PLCH2: variants seen among roughly 807,000 people sequenced by gnomAD.
PLCH2 encodes phospholipase C eta 2, also known as 1-phosphatidylinositol 4,5-bisphosphate phosphodiesterase eta-2.
Under a neutral mutation model 134.7 loss-of-function variants are expected in PLCH2, and 98 were observed. That is an observed-to-expected ratio of 0.73 (90% CI 0.62 to 0.86). The LOEUF (loss-of-function observed/expected upper bound fraction) is 0.86, where lower values mean the gene tolerates loss of function less well. Ranked by LOEUF, PLCH2 falls within the 40% of genes least tolerant of loss-of-function variation. The pLI, the probability that PLCH2 is intolerant of heterozygous loss-of-function variation, is 0.00. For missense variants in PLCH2, 1,994 were observed against 1,986.6 expected, an observed-to-expected ratio of 1.00 and a Z score of -0.07; for synonymous variants, 974 against 827.5, an observed-to-expected ratio of 1.18 and a Z score of -3.04.
intron 2 of PLCH2, among the ~76,000 whole-genome samples, chr1:2,456,479 G>C (rs1368022099): frequency 6.6e-6 from 1 of 152,252 alleles, no homozygotes; most frequent in Non-Finnish European, 1.5e-5. Context: ...GCTGCAGGTG[G>C]TGACTCAGTT....
Position 2,498,678 on chromosome 1 carries a change from G to T in PLCH2, c.2349+31G>T. On this transcript the variant is annotated intron_variant, in intron 17 of 21. Coordinates refer to ENST00000378486, the MANE Select transcript of PLCH2 (RefSeq NM_014638.4). This position sits in a 1 kb window ranked among gnomAD's most constrained non-coding sequence, Gnocchi z 5.4. ...GGCCAGCCCCACACAGGCGGGAGGG[G>T]TGGGAGTTGGGGGCGGGCCGGGCAT... is the stretch of plus-strand genomic sequence containing the variant. The T allele has an allele frequency of 6.5e-7, 1 of 1,527,362 alleles. No homozygotes were observed. Among genetic ancestry groups the T allele is most frequent in the African/African-American group, 1.4e-5 (1 of 73,320 alleles). 94.6% of individuals were successfully genotyped at this position (1,527,362 alleles called of 1,614,324 possible).
Position 2,444,172 on chromosome 1 carries a change from C to T in PLCH2, c.115+13543C>T, listed in dbSNP as rs1025989416. ...ACGGGCGGAGCGGTCTTGAGCTCTCCGGATGGCCTCAGGTGCGGGGTGAGG... is the reference window on the plus strand; with the variant it reads ...ACGGGCGGAGCGGTCTTGAGCTCTCTGGATGGCCTCAGGTGCGGGGTGAGG... On this transcript the variant is annotated intron_variant, in intron 2 of 3. Transcript: ENST00000609981. The surrounding 1 kb of genome is among the most constrained non-coding windows in gnomAD (Gnocchi z 4.6). Among the ~76,000 whole-genome samples the T allele has an allele frequency of 1.3e-5, 2 of 152,156 alleles. No homozygotes were observed. The highest frequency in any genetic ancestry group is 3.9e-4 in the East Asian group (2 of 5,192).
intron 2 of PLCH2, among the ~76,000 whole-genome samples, chr1:2,447,310 C>G (rs1639987526): frequency 6.6e-6 from 1 of 152,204 alleles, no homozygotes; most frequent in Non-Finnish European, 1.5e-5. Flanking sequence ...CAGGACCACT[C>G]TGCCTTCAGC....
chr1:2,438,647 C>T lies in PLCH2; in HGVS notation c.115+8018C>T, dbSNP rs942589797. 6.6e-5 allele frequency among the ~76,000 whole-genome samples: 10 copies of T among 152,292 alleles called. No individual in the cohort carries two copies. The South Asian group carries it at 1.2e-3, about 19-fold the overall frequency. On this transcript the variant is annotated intron_variant, in intron 2 of 3. Transcript: ENST00000609981. ...CAAGAGAGAGCACCCCCGGCCACTGCGGCTAGGGCAGGTGAAGGTCCCTTC... is the reference window on the plus strand; with the variant it reads ...CAAGAGAGAGCACCCCCGGCCACTGTGGCTAGGGCAGGTGAAGGTCCCTTC...
At chr1:2,438,991 G>T (rs1639564820) in intron 2 of PLCH2, among the ~76,000 whole-genome samples, 1 of 152,236 alleles carries the variant, frequency 6.6e-6, no homozygotes, top group African/African-American at 2.4e-5. Flanking sequence ...TGGCCACATG[G>T]GTGGCTCCAG....
chr1:2,479,884 AG>A lies in PLCH2; in HGVS notation c.424del (p.Val142TrpfsTer33). ...CTGGACCTGGTCTCCACCAGCAGCG[AG>A]GTGGCGCGCACCTGGGTCACTGGCC... ...ESLDLVSTSS[E>X]VARTWVTGLR... On this transcript the variant is annotated frameshift_variant, in exon 3 of 22. Transcript: ENST00000378486. LOFTEE classifies it high-confidence loss of function. 1 of 1,611,802 alleles carries A rather than the reference AG, an allele frequency of 6.2e-7. No homozygotes were observed.
chr1:2,426,514 C>T (rs1238769727), intron 1 of PLCH2, among the ~76,000 whole-genome samples: 1 of 152,174 alleles, frequency 6.6e-6, no homozygotes, highest in Non-Finnish European at 1.5e-5. Flanking sequence ...GTCAGAGTGG[C>T]GGAGTCCCCG....
At chr1:2,467,602 G>A (rs1348406718) in exon 1 of PLCH2, 11 of 409,818 alleles carry the variant, frequency 2.7e-5, no homozygotes. Flanking sequence ...CGGTAACTGG[G>A]ATTGGCACCC....
At position 2,434,879 on chromosome 1, in the gene PLCH2, G is replaced by A. The variant is rs1035547253; in HGVS notation, c.115+4250G>A. On this transcript the variant is annotated intron_variant, in intron 2 of 3. Coordinates refer to the PLCH2 transcript ENST00000609981. ...CAGCTGTGGGTTGCGTATGTCCTCG[G>A]GCGCCCATGCTGTACCCAGGCTGCC... is the stretch of plus-strand genomic sequence containing the variant. Among the ~76,000 whole-genome samples, 3 of 152,162 alleles carry A rather than the reference G, an allele frequency of 2.0e-5. No individual in the cohort carries two copies. In the South Asian group the frequency reaches 6.2e-4, roughly 32 times the overall value.
At chr1:2,478,757 T>C in intron 2 of PLCH2, 135 bp downstream of exon 2, 1 of 893,494 alleles carries the variant, frequency 1.1e-6, no homozygotes. Flanking sequence ...CTCAGTGGCC[T>C]TGGGGATCTG....
At chr1:2,456,000 G>A (rs1405931504) in intron 2 of PLCH2, among the ~76,000 whole-genome samples, 4 of 152,264 alleles carry the variant, frequency 2.6e-5, no homozygotes, top group African/African-American at 9.6e-5. Context: ...GTAGGAGCTC[G>A]GCAAGTGGTG....
At chr1:2,416,320 G>C in the PLCH2 span, among the ~76,000 whole-genome samples, 2 of 152,214 alleles carry the variant, frequency 1.3e-5, no homozygotes, top group Non-Finnish European at 2.9e-5. Flanking sequence ...GGGTGTGGCA[G>C]TGTCCCCTCC....
chr1:2,486,364 G>A (rs972980409), intron 5 of PLCH2, among the ~76,000 whole-genome samples: 3 of 152,206 alleles, frequency 2.0e-5, no homozygotes, highest in African/African-American at 7.2e-5. Flanking sequence ...GGACCTCCAA[G>A]AAGCCGTGTC....
intron 1 of PLCH2, among the ~76,000 whole-genome samples, chr1:2,429,489 G>C (rs1199613586): frequency 6.6e-6 from 1 of 152,200 alleles, no homozygotes; most frequent in Non-Finnish European, 1.5e-5. Context: ...TGATGTGGTG[G>C]AAAGGCGGGT....
chr1:2,437,839 C>T (rs1639504723), intron 2 of PLCH2, among the ~76,000 whole-genome samples: 1 of 152,182 alleles, frequency 6.6e-6, no homozygotes, highest in South Asian at 2.1e-4. Flanking sequence ...TGCACCCAAA[C>T]CACACACGTG....
intron 12 of PLCH2, 46 bp downstream of exon 12, chr1:2,494,994 C>T (rs1278956616): frequency 7.8e-7 from 1 of 1,282,666 alleles, no homozygotes. Context: ...GGCCCAGTGT[C>T]CTCCCTGCTC....
At chr1:2,435,180 G>A (rs1432799431) in intron 2 of PLCH2, among the ~76,000 whole-genome samples, 1 of 152,222 alleles carries the variant, frequency 6.6e-6, no homozygotes, top group East Asian at 1.9e-4. Context: ...ACGAAGGAGA[G>A]CATGTGGAAG....
intron 2 of PLCH2, among the ~76,000 whole-genome samples, chr1:2,438,407 T>A (rs900917607): frequency 1.3e-5 from 2 of 152,048 alleles, no homozygotes; most frequent in African/African-American, 4.8e-5. Context: ...TCAGCCCAGG[T>A]CAGCAGGAGG....
rs369741433 is a variant in PLCH2 at position 2,496,698 on chromosome 1, A to C, written c.1927A>C (p.Met643Leu). The C allele has an allele frequency of 4.7e-5, 76 of 1,611,646 alleles. No individual in the cohort carries two copies. Among genetic ancestry groups the C allele is most frequent in the Non-Finnish European group, 6.0e-5 (71 of 1,179,322 alleles). ...TKSVATHDIE[M>L]EAASSWQVSS... The stretch of plus-strand genomic sequence containing the variant: ...GTCCGTGGCCACCCACGACATAGAG[A>C]TGGAGGGTGAGTGGCTCGGGGACCT... The change falls in exon 14 of 22, where the codon ATG becomes CTG. Residue 643 changes from methionine (M) to leucine (L), a missense_variant. Coordinates refer to ENST00000378486, the MANE Select transcript of PLCH2 (RefSeq NM_014638.4).
Sources: gnomAD v4.1 joint callset for allele counts (sites outside exome capture counted in the v4.1 genomes callset) on GRCh38, gnomAD v4.1.1 for gene constraint, Gnocchi (gnomAD v3.1) non-coding constraint, MANE v1.5 for transcripts, NCBI Gene and HGNC (gene_info 2026-07-23, HGNC 2026-07-21) for gene names.